Variants in CSMD3 observed in about 807,000 individuals in gnomAD.
CSMD3 encodes CUB and Sushi multiple domains 3.
Under a neutral mutation model 435.2 loss-of-function variants are expected in CSMD3, and 177 were observed. That is an observed-to-expected ratio of 0.41 (90% CI 0.36 to 0.46). CSMD3 has a LOEUF of 0.46. Ranked by LOEUF, CSMD3 falls within the 20% of genes least tolerant of loss-of-function variation. The pLI is 0.34. For missense variants in CSMD3, 4,265 were observed against 4,504.6 expected, an observed-to-expected ratio of 0.95 and a Z score of 1.52; for synonymous variants, 1,656 against 1,520.5, an observed-to-expected ratio of 1.09 and a Z score of -2.07.
chr8:113,339,749 C>T (rs1349980379), intron 1 of CSMD3, among the ~76,000 whole-genome samples: 1 of 151,854 alleles, frequency 6.6e-6, no homozygotes, highest in Admixed American at 6.6e-5. Flanking sequence ...ATTTTCCCTT[C>T]CTTGTTATTT....
At chr8:112,601,466 A>G (rs111619684) in intron 22 of CSMD3, among the ~76,000 whole-genome samples, 7 of 152,300 alleles carry the variant, frequency 4.6e-5, no homozygotes, top group African/African-American at 1.4e-4. Context: ...CATACAATCA[A>G]GGAACTTCAC....
At chr8:113,186,414 G>C (rs2092502480) in intron 3 of CSMD3, among the ~76,000 whole-genome samples, 1 of 151,994 alleles carries the variant, frequency 6.6e-6, no homozygotes, top group Admixed American at 6.6e-5. Context: ...TTTAGTCAAA[G>C]TAGCAGCCTT....
Position 113,098,842 on chromosome 8 carries a change from G to A in CSMD3, c.831C>T (p.Asp277=), listed in dbSNP as rs2131546677. ...AATCAGTAAATATGAGTGAAATTGT[G>A]TCCCCAGGCTCTGCTACAATGGTCC... The part of the protein sequence containing the change: ...CTWTIVAEPG[D]TISLIFTDFQ... The change falls in exon 5 of 71, where the codon GAC becomes GAT. Residue 277 remains aspartate (D), a synonymous_variant. Transcript: ENST00000297405. The A allele has an allele frequency of 6.2e-7, 1 of 1,612,502 alleles. No individual in the cohort carries two copies. Among genetic ancestry groups the A allele is most frequent in the Non-Finnish European group, 8.5e-7 (1 of 1,178,850 alleles).
chr8:113,201,896 C>T (rs1358469343), intron 3 of CSMD3, among the ~76,000 whole-genome samples: 3 of 151,798 alleles, frequency 2.0e-5, no homozygotes, highest in Non-Finnish European at 4.4e-5. Context: ...AGTAGGATTG[C>T]TTTTATTTTA....
At chr8:113,374,793 C>G (rs186273039) in intron 1 of CSMD3, among the ~76,000 whole-genome samples, 2 of 132,862 alleles carry the variant, frequency 1.5e-5, no homozygotes, top group East Asian at 4.4e-4. Context: ...GTGTACACTG[C>G]CATATGCACC....
chr8:112,914,321 C>A (rs962189114), intron 10 of CSMD3, among the ~76,000 whole-genome samples: 1 of 151,838 alleles, frequency 6.6e-6, no homozygotes, highest in South Asian at 2.1e-4. Flanking sequence ...TGAGATAATA[C>A]ATTTCTTAAC....
intron 2 of CSMD3, among the ~76,000 whole-genome samples, chr8:113,292,481 T>C (rs1467781386): frequency 6.6e-6 from 1 of 151,870 alleles, no homozygotes; most frequent in East Asian, 1.9e-4. Flanking sequence ...GGAAACTAAA[T>C]ATTATGAAGA....
intron 2 of CSMD3, among the ~76,000 whole-genome samples, chr8:113,292,026 A>AT (rs1485056201): frequency 6.6e-6 from 1 of 151,796 alleles, no homozygotes; most frequent in Non-Finnish European, 1.5e-5. Flanking sequence ...AGGAATTAGC[A>AT]TTTTACCATA....
At chr8:112,873,825 A>G (rs2081202625) in intron 10 of CSMD3, among the ~76,000 whole-genome samples, 3 of 151,880 alleles carry the variant, frequency 2.0e-5, no homozygotes, top group Admixed American at 1.3e-4. Context: ...TATTCTGGCT[A>G]GCAGACTATT....
At chr8:113,355,618 T>C (rs2094217331) in intron 1 of CSMD3, among the ~76,000 whole-genome samples, 2 of 150,260 alleles carry the variant, frequency 1.3e-5, no homozygotes, top group Admixed American at 1.3e-4. Context: ...GAATAGAACT[T>C]CAACATACGA....
At chr8:112,827,206 T>TATATATATATATATATAA (rs1564000450) in intron 12 of CSMD3, among the ~76,000 whole-genome samples, 2 of 132,752 alleles carry the variant, frequency 1.5e-5, no homozygotes, top group African/African-American at 5.8e-5. Flanking sequence ...TATATATATA[T>TATATATATATATATATAA]AATCTTTCTA....
intron 13 of CSMD3, among the ~76,000 whole-genome samples, chr8:112,753,283 GA>G (rs1339138733): frequency 1.3e-5 from 2 of 152,100 alleles, no homozygotes; most frequent in African/African-American, 4.8e-5. Flanking sequence ...GGTTGGAGAT[GA>G]AAAGAGGACA....
chr8:112,234,536 T>C, intron 67 of CSMD3, 59 bp from the exon 68 acceptor site: 1 of 905,064 alleles, frequency 1.1e-6, no homozygotes, highest in Non-Finnish European at 1.9e-6. Flanking sequence ...TACTTCATTT[T>C]ATTATCTATC....
intron 32 of CSMD3, among the ~76,000 whole-genome samples, chr8:112,457,640 G>A (rs1816971208): frequency 6.6e-6 from 1 of 151,984 alleles, no homozygotes; most frequent in African/African-American, 2.4e-5. Flanking sequence ...TAAAGTTGAG[G>A]AATTTAGGAG....
At chr8:112,423,757 T>C (rs114973324) in intron 32 of CSMD3, among the ~76,000 whole-genome samples, 1,799 of 152,296 alleles carry the variant, frequency 0.012, 31 homozygotes, top group African/African-American at 0.041. Context: ...TTTTCTTTAC[T>C]TGGTGCACAT....
intron 6 of CSMD3, among the ~76,000 whole-genome samples, chr8:112,987,717 A>C (rs1057064881): frequency 6.6e-6 from 1 of 152,042 alleles, no homozygotes; most frequent in African/African-American, 2.4e-5. Flanking sequence ...TCAATATGTT[A>C]TTTACTTATG....
At chr8:112,295,190 A>C (rs1038543894) in intron 54 of CSMD3, among the ~76,000 whole-genome samples, 1 of 152,142 alleles carries the variant, frequency 6.6e-6, no homozygotes, top group Non-Finnish European at 1.5e-5. Flanking sequence ...TTAAAAATGC[A>C]ATGCATTTTG....
chr8:113,202,541 T>A (rs1487773307), intron 3 of CSMD3, among the ~76,000 whole-genome samples: 1 of 152,152 alleles, frequency 6.6e-6, no homozygotes, highest in East Asian at 1.9e-4. Flanking sequence ...GAAATGCCAT[T>A]GACATATGAT....
chr8:113,302,300 A>ATATAATATAATAT (rs1554603163), intron 2 of CSMD3, among the ~76,000 whole-genome samples: 2 of 135,790 alleles, frequency 1.5e-5, no homozygotes, highest in African/African-American at 5.4e-5. Flanking sequence ...ATATAATATA[A>ATATAATATAATAT]TATATATATT....
Sources: gnomAD v4.1 joint callset for allele counts (sites outside exome capture counted in the v4.1 genomes callset) on GRCh38, gnomAD v4.1.1 for gene constraint, MANE v1.5 for transcripts, NCBI Gene and HGNC (gene_info 2026-07-23, HGNC 2026-07-21) for gene names.